Variants in NIPA1 observed in about 807,000 individuals in gnomAD.
The protein encoded by NIPA1 is magnesium transporter NIPA1.
Under a neutral mutation model 23.9 loss-of-function variants are expected in NIPA1, and 13 were observed. The ratio of observed to expected loss-of-function variants is 0.54; its 90% CI spans 0.35 to 0.87. The LOEUF is 0.87. Ranked by LOEUF, NIPA1 falls within the 40% of genes least tolerant of loss-of-function variation. NIPA1 has a pLI of 0.01. For missense variants in NIPA1, 362 were observed against 429.7 expected, an observed-to-expected ratio of 0.84 and a Z score of 1.39; for synonymous variants, 234 against 202.9, an observed-to-expected ratio of 1.15 and a Z score of -1.30.
At chr15:22,813,465 T>C (rs1318820336) in intron 3 of NIPA1, among the ~76,000 whole-genome samples, 1 of 152,176 alleles carries the variant, frequency 6.6e-6, no homozygotes, top group Admixed American at 6.5e-5. Flanking sequence ...GTTTACTTAC[T>C]GCGAAAATGA....
At chr15:22,794,317 C>T (rs1025847167) in intron 1 of NIPA1, among the ~76,000 whole-genome samples, 4 of 121,708 alleles carry the variant, frequency 3.3e-5, no homozygotes, top group Non-Finnish European at 6.3e-5. Context: ...TTCATAGAGA[C>T]AGGAAGTAGA....
chr15:22,808,630 A>T (rs1395586006), intron 1 of NIPA1, among the ~76,000 whole-genome samples: 1 of 151,124 alleles, frequency 6.6e-6, no homozygotes, highest in African/African-American at 2.4e-5. Context: ...TCCGTTAATG[A>T]TTCTTGCCTA....
At chr15:22,789,230 C>T in intron 1 of NIPA1, among the ~76,000 whole-genome samples, 1 of 152,192 alleles carries the variant, frequency 6.6e-6, no homozygotes, top group South Asian at 2.1e-4. Flanking sequence ...CTCAGGTGAT[C>T]TGCCCACCTC....
At chr15:22,789,175 G>C (rs925605045) in intron 1 of NIPA1, among the ~76,000 whole-genome samples, 2 of 151,878 alleles carry the variant, frequency 1.3e-5, no homozygotes, top group African/African-American at 4.8e-5. Context: ...TTTTACTGGA[G>C]ATGGGGTTTC....
At chr15:22,816,177 G>GTTT (rs1895411551) in intron 3 of NIPA1, among the ~76,000 whole-genome samples, 2 of 116,196 alleles carry the variant, frequency 1.7e-5, no homozygotes, top group African/African-American at 6.8e-5. Flanking sequence ...CAGAAGACCT[G>GTTT]ATTTTTTTTT....
intron 1 of NIPA1, among the ~76,000 whole-genome samples, chr15:22,798,004 C>T (rs1894977822): frequency 6.6e-6 from 1 of 151,814 alleles, no homozygotes; most frequent in South Asian, 2.1e-4. Flanking sequence ...GCCACTACGC[C>T]CGGCTAATTT....
intron 1 of NIPA1, among the ~76,000 whole-genome samples, chr15:22,805,848 A>G (rs1895195057): frequency 6.6e-6 from 1 of 152,188 alleles, no homozygotes; most frequent in South Asian, 2.1e-4. Flanking sequence ...TTGTGGAATA[A>G]TTAGAAGGTA....
intron 1 of NIPA1, among the ~76,000 whole-genome samples, chr15:22,804,941 A>T (rs1895174648): frequency 6.6e-6 from 1 of 151,868 alleles, no homozygotes; most frequent in African/African-American, 2.4e-5. Flanking sequence ...GGTTCACACC[A>T]TTCTCCTGCC....
chr15:22,803,291 C>T (rs987376371), intron 1 of NIPA1, among the ~76,000 whole-genome samples: 1 of 151,868 alleles, frequency 6.6e-6, no homozygotes, highest in Non-Finnish European at 1.5e-5. Context: ...AGGCATGAGC[C>T]ACCACGCCTG....
At chr15:22,803,128 T>G (rs1895121505) in intron 1 of NIPA1, among the ~76,000 whole-genome samples, 4 of 151,980 alleles carry the variant, frequency 2.6e-5, no homozygotes, top group Admixed American at 2.0e-4. Context: ...GGCTAAGTTT[T>G]GTATTTTTAG....
intron 1 of NIPA1, among the ~76,000 whole-genome samples, chr15:22,801,319 T>C (rs910176907): frequency 6.6e-6 from 1 of 152,014 alleles, no homozygotes; most frequent in African/African-American, 2.4e-5. Context: ...CAGAGCACGC[T>C]AGTACAGGTA....
At chr15:22,788,674 G>T (rs577507591) in intron 1 of NIPA1, among the ~76,000 whole-genome samples, 2 of 152,022 alleles carry the variant, frequency 1.3e-5, no homozygotes, top group Non-Finnish European at 2.9e-5. Flanking sequence ...CTAAAAAGTT[G>T]AGGAAAACTG....
intron 1 of NIPA1, among the ~76,000 whole-genome samples, chr15:22,804,362 C>T (rs973413174): frequency 2.0e-5 from 3 of 152,070 alleles, no homozygotes; most frequent in Non-Finnish European, 4.4e-5. Flanking sequence ...ACCTCGTGAT[C>T]CACCCGCCCC....
In NIPA1 at chr15:22,824,488, T is replaced by C; in HGVS notation, c.*249T>C. The C allele has an allele frequency of 2.0e-6, 1 of 508,066 alleles. No homozygotes were observed. Among genetic ancestry groups the C allele is most frequent in the Non-Finnish European group, 3.5e-6 (1 of 282,880 alleles). The allele number at this position is 508,066 out of a possible 1,614,324, so 31.5% of individuals were successfully genotyped here. Reference sequence around the variant, plus strand: ...TCTGATGAGACGAATCTCATTTTCATTTCCATTAACCTGGAAGCTTTCATG... The same window carrying C: ...TCTGATGAGACGAATCTCATTTTCACTTCCATTAACCTGGAAGCTTTCATG... On this transcript the variant is annotated 3_prime_UTR_variant, in exon 5 of 5. Transcript: ENST00000337435. The surrounding 1 kb of genome is among the most constrained non-coding windows in gnomAD (Gnocchi z 4.1).
At chr15:22,799,835 TG>T (rs749982286) in intron 1 of NIPA1, among the ~76,000 whole-genome samples, 6 of 142,102 alleles carry the variant, frequency 4.2e-5, no homozygotes, top group Non-Finnish European at 7.5e-5. Flanking sequence ...TCTCAGCTAC[TG>T]GGGAGGCTGA....
At chr15:22,815,781 G>A (rs897817575) in intron 3 of NIPA1, among the ~76,000 whole-genome samples, 1 of 152,246 alleles carries the variant, frequency 6.6e-6, no homozygotes. Flanking sequence ...TCCCAGAAAT[G>A]CAAAGTAGAT....
At position 22,826,022 on chromosome 15, in the gene NIPA1, A is replaced by G. The variant is rs995147839; in HGVS notation, c.*1783A>G. On this transcript the variant is annotated 3_prime_UTR_variant, in exon 5 of 5. Coordinates refer to ENST00000337435, the MANE Select transcript of NIPA1 (RefSeq NM_144599.5). ...TGAAAGATGGGGTTGGGTAAAGTAG[A>G]TTAGGTGAAGTAGAACATAAAATTG... The G allele has an allele frequency of 6.6e-6, 1 of 152,196 alleles. No homozygotes were observed. Among genetic ancestry groups the G allele is most frequent in the Non-Finnish European group, 1.5e-5 (1 of 68,028 alleles). The allele number at this position is 152,196 out of a possible 1,614,324, so 9.4% of individuals were successfully genotyped here.
intron 3 of NIPA1, chr15:22,814,181 A>T: frequency 9.8e-7 from 1 of 1,023,606 alleles, no homozygotes. Flanking sequence ...AAACAGAATA[A>T]AACTAAAATT....
At chr15:22,790,248 C>T (rs1240119362) in intron 1 of NIPA1, among the ~76,000 whole-genome samples, 1 of 152,154 alleles carries the variant, frequency 6.6e-6, no homozygotes, top group African/African-American at 2.4e-5. Flanking sequence ...AGCTGTGTTA[C>T]TCATGGTGGT....
Sources: gnomAD v4.1 joint callset for allele counts (sites outside exome capture counted in the v4.1 genomes callset) on GRCh38, gnomAD v4.1.1 for gene constraint, Gnocchi (gnomAD v3.1) non-coding constraint, MANE v1.5 for transcripts, NCBI Gene and HGNC (gene_info 2026-07-23, HGNC 2026-07-21) for gene names.